ADAMTSL1: variants seen among roughly 807,000 people sequenced by gnomAD.
The protein encoded by ADAMTSL1 is ADAMTS-like protein 1.
Under a neutral mutation model 201.8 loss-of-function variants are expected in ADAMTSL1, and 126 were observed. That is an observed-to-expected ratio of 0.62 (90% CI 0.54 to 0.72). The LOEUF is 0.72. ADAMTSL1 is among the 30% of genes least tolerant of loss of function. ADAMTSL1 has a pLI of 0.00. For missense variants in ADAMTSL1, 2,679 were observed against 2,277.8 expected, an observed-to-expected ratio of 1.18 and a Z score of -3.59; for synonymous variants, 1,121 against 903.4, an observed-to-expected ratio of 1.24 and a Z score of -4.32.
intron 2 of ADAMTSL1, among the ~76,000 whole-genome samples, chr9:18,325,441 T>C (rs1427175708): frequency 6.6e-6 from 1 of 152,208 alleles, no homozygotes; most frequent in Non-Finnish European, 1.5e-5. Context: ...TACATATTCA[T>C]GTGGATGAAT....
chr9:18,461,941 C>G (rs1242483214), intron 2 of ADAMTSL1, among the ~76,000 whole-genome samples: 1 of 152,060 alleles, frequency 6.6e-6, no homozygotes, highest in East Asian at 1.9e-4. Flanking sequence ...ATTCTCAAAT[C>G]CAGCACTCTC....
At chr9:18,838,589 G>A (rs1202796449) in intron 23 of ADAMTSL1, among the ~76,000 whole-genome samples, 1 of 152,158 alleles carries the variant, frequency 6.6e-6, no homozygotes, top group East Asian at 1.9e-4. Flanking sequence ...TGTTTTGGGA[G>A]GCTGAGATGG....
At chr9:18,609,713 T>C (rs1309649532) in intron 4 of ADAMTSL1, among the ~76,000 whole-genome samples, 1 of 151,228 alleles carries the variant, frequency 6.6e-6, no homozygotes, top group East Asian at 1.9e-4. Context: ...TGACTACATA[T>C]CCCCCCCCTA....
At chr9:18,621,796 C>T (rs1179187269) in intron 4 of ADAMTSL1, among the ~76,000 whole-genome samples, 1 of 152,272 alleles carries the variant, frequency 6.6e-6, no homozygotes, top group South Asian at 2.1e-4. Context: ...TACGTTCTAA[C>T]GAACCATGTG....
At chr9:18,801,564 G>T (rs920362376) in intron 20 of ADAMTSL1, among the ~76,000 whole-genome samples, 1 of 152,076 alleles carries the variant, frequency 6.6e-6, no homozygotes, top group Non-Finnish European at 1.5e-5. Flanking sequence ...AGGGTCTGTT[G>T]TTCCCCCTTC....
chr9:17,915,287 T>G (rs1826051035), intron 1 of ADAMTSL1, among the ~76,000 whole-genome samples: 1 of 152,214 alleles, frequency 6.6e-6, no homozygotes, highest in South Asian at 2.1e-4. Flanking sequence ...TAGAGTTTTA[T>G]GTAAATGGAA....
intron 2 of ADAMTSL1, among the ~76,000 whole-genome samples, chr9:18,193,219 G>A (rs1277855238): frequency 6.6e-6 from 1 of 152,162 alleles, no homozygotes; most frequent in African/African-American, 2.4e-5. Flanking sequence ...CTACAGGTGT[G>A]TCAAGTCACT....
intron 3 of ADAMTSL1, among the ~76,000 whole-genome samples, chr9:18,534,104 C>A (rs1009718616): frequency 6.6e-6 from 1 of 152,078 alleles, no homozygotes; most frequent in African/African-American, 2.4e-5. Flanking sequence ...GAATGTTAGT[C>A]TTCAAAGTTT....
chr9:18,535,896 C>T lies in ADAMTSL1; in HGVS notation c.237+2604C>T, dbSNP rs117340618. Among the ~76,000 whole-genome samples, 297 of 152,166 alleles carry T rather than the reference C, an allele frequency of 2.0e-3. 2 individuals carry two copies. Among genetic ancestry groups the T allele is most frequent in the African/African-American group, 6.9e-3 (285 of 41,522 alleles). Reference sequence around the variant, plus strand: ...TCTCCACCTGGTTCTTCCCTTGACACGCAGGGATTATGGGAAGTACAACTT... The same window carrying T: ...TCTCCACCTGGTTCTTCCCTTGACATGCAGGGATTATGGGAAGTACAACTT... On this transcript the variant is annotated intron_variant, in intron 3 of 28. Transcript: ENST00000380548.
intron 3 of ADAMTSL1, among the ~76,000 whole-genome samples, chr9:18,538,293 C>G (rs905143757): frequency 3.1e-4 from 47 of 152,232 alleles, no homozygotes; most frequent in African/African-American, 1.1e-3. Context: ...ACATGATTCA[C>G]TCTTGTGATC....
intron 1 of ADAMTSL1, among the ~76,000 whole-genome samples, chr9:18,026,819 T>C (rs1199545313): frequency 6.6e-6 from 1 of 152,254 alleles, no homozygotes; most frequent in Non-Finnish European, 1.5e-5. Context: ...AATTCGGCTG[T>C]GAATCCATCT....
chr9:18,217,139 C>G (rs1056665990), intron 2 of ADAMTSL1, among the ~76,000 whole-genome samples: 1 of 152,174 alleles, frequency 6.6e-6, no homozygotes, highest in Admixed American at 6.5e-5. Flanking sequence ...TACTTTATCT[C>G]TCTAGAGAAG....
intron 2 of ADAMTSL1, among the ~76,000 whole-genome samples, chr9:18,216,389 T>A (rs1474279712): frequency 6.6e-6 from 1 of 152,232 alleles, no homozygotes; most frequent in Non-Finnish European, 1.5e-5. Flanking sequence ...TTATAGCTGT[T>A]GATCAGGCAG....
In ADAMTSL1 at chr9:18,312,569, G is replaced by T. The variant is rs558487864; in HGVS notation, c.207+148588G>T. Among the ~76,000 whole-genome samples, 26 of 152,280 alleles carry T rather than the reference G, an allele frequency of 1.7e-4. 2 individuals carry two copies. In the South Asian group the frequency reaches 5.2e-3, roughly 31 times the overall value. ...ACCTGAGGTAGCCAGATGGATAACTGAGTATGCTATACCAAGACGTTCCCA... is the reference window on the plus strand; with the variant it reads ...ACCTGAGGTAGCCAGATGGATAACTTAGTATGCTATACCAAGACGTTCCCA... On this transcript the variant is annotated intron_variant, in intron 2 of 29. Coordinates refer to the ADAMTSL1 transcript ENST00000680146.
intron 2 of ADAMTSL1, among the ~76,000 whole-genome samples, chr9:18,409,842 A>G (rs939721265): frequency 2.7e-5 from 4 of 150,104 alleles, no homozygotes; most frequent in East Asian, 3.9e-4. Flanking sequence ...ATATGTACCT[A>G]TACTATATAA....
chr9:18,878,772 C>A lies in ADAMTSL1; in HGVS notation c.4250-9059C>A, dbSNP rs142667862. ...GTGAGTCTTCACATGCTGCTCTGTACATCTGAGTGGAAGCTGCAAGTTAGT... is the reference window on the plus strand; with the variant it reads ...GTGAGTCTTCACATGCTGCTCTGTAAATCTGAGTGGAAGCTGCAAGTTAGT... On this transcript the variant is annotated intron_variant, in intron 23 of 28. Transcript: ENST00000380548. Among the ~76,000 whole-genome samples, 16 of 152,310 alleles carry A rather than the reference C, an allele frequency of 1.1e-4. 1 individual carries two copies. Among genetic ancestry groups the A allele is most frequent in the African/African-American group, 3.8e-4 (16 of 41,574 alleles).
chr9:18,313,873 G>A (rs1834249406), intron 2 of ADAMTSL1, among the ~76,000 whole-genome samples: 2 of 152,092 alleles, frequency 1.3e-5, no homozygotes, highest in African/African-American at 4.8e-5. Context: ...ACAGCAAACA[G>A]TCAACCAAAT....
At chr9:18,082,255 TG>T (rs942958134) in intron 1 of ADAMTSL1, among the ~76,000 whole-genome samples, 7 of 152,210 alleles carry the variant, frequency 4.6e-5, no homozygotes, top group Non-Finnish European at 1.0e-4. Flanking sequence ...TATTAAGTTT[TG>T]AAGTAGTAGA....
chr9:18,074,206 C>G (rs1044388436), intron 1 of ADAMTSL1, among the ~76,000 whole-genome samples: 1 of 152,126 alleles, frequency 6.6e-6, no homozygotes, highest in Non-Finnish European at 1.5e-5. Flanking sequence ...GACAGGCAAG[C>G]CAGGCTTCCC....
Sources: gnomAD v4.1 joint callset for allele counts (sites outside exome capture counted in the v4.1 genomes callset) on GRCh38, gnomAD v4.1.1 for gene constraint, MANE v1.5 for transcripts, NCBI Gene and HGNC (gene_info 2026-07-23, HGNC 2026-07-21) for gene names.